Variants in LMTK3 observed in about 807,000 individuals in gnomAD.
The protein encoded by LMTK3 is serine/threonine-protein kinase LMTK3.
LMTK3 carries 27 observed loss-of-function variants against 116.7 expected under a neutral mutation model. The ratio of observed to expected loss-of-function variants is 0.23; its 90% CI spans 0.17 to 0.32. The LOEUF is 0.32. Ranked by LOEUF, LMTK3 falls within the 10% of genes least tolerant of loss-of-function variation. The pLI, the probability that LMTK3 is intolerant of heterozygous loss-of-function variation, is 1.00. For missense variants in LMTK3, 1,764 were observed against 2,068.5 expected, an observed-to-expected ratio of 0.85 and a Z score of 2.86; for synonymous variants, 965 against 971.0, an observed-to-expected ratio of 0.99 and a Z score of 0.11.
rs190876289 is a variant in LMTK3, at chr19:48,510,419, G to A, written c.210+40C>T. 4.7e-3 allele frequency: 7,374 copies of A among 1,573,662 alleles called. 19 individuals carry two copies. The highest frequency in any genetic ancestry group is 5.9e-3 in the Non-Finnish European group (6,843 of 1,160,488). On this transcript the variant is annotated intron_variant, in intron 2 of 14. Transcript: ENST00000600059. ...TGTGTAGGGGGTAAAGGCCTTGCTG[G>A]AGTCTTCCTCCCCAAGTTGAATCCC...
intron 11 of LMTK3, among the ~76,000 whole-genome samples, chr19:48,495,665 A>C (rs1972311331): frequency 6.6e-6 from 1 of 152,164 alleles, no homozygotes; most frequent in African/African-American, 2.4e-5. Context: ...ACCCTTGCCC[A>C]CTGAGCCACA....
In LMTK3 at chr19:48,498,140, C is replaced by A; in HGVS notation, c.2929G>T (p.Gly977Trp). The change falls in exon 11 of 15, where the codon GGG becomes TGG. Residue 977 changes from glycine to tryptophan, a missense_variant. By Grantham distance (184) the Gly-to-Trp change is radical. Around this residue, in one of 7 missense-constraint regions of LMTK3, gnomAD observed 1,028 missense variants for 1,050.6 expected, o/e 0.98. Coordinates refer to ENST00000600059, the MANE Select transcript of LMTK3 (RefSeq NM_001388485.1). ...CCGGCCTCTGGGGACCTCAGCTCCC[C>A]ATTCTCCAGCGCTTTCTCCTCCCTC... Reference protein sequence around the residue: ...PRREEKALENGELRSPEAGEK... With the variant: ...PRREEKALENWELRSPEAGEK... The A allele has an allele frequency of 1.2e-6, 2 of 1,613,742 alleles. No individual in the cohort carries two copies. The highest frequency in any genetic ancestry group is 1.1e-5 in the South Asian group (1 of 91,076).
At chr19:48,505,291 T>C (rs1414544077) in intron 5 of LMTK3, among the ~76,000 whole-genome samples, 2 of 151,794 alleles carry the variant, frequency 1.3e-5, no homozygotes, top group African/African-American at 4.8e-5. Context: ...TTTTTATATT[T>C]TTATTAGAGA....
At chr19:48,493,583 T>A in intron 12 of LMTK3, 111 bp downstream of exon 12, 8 of 797,908 alleles carry the variant, frequency 1.0e-5, no homozygotes, top group Non-Finnish European at 1.1e-5. Flanking sequence ...TCCGCCTCCC[T>A]CCAGGCCCCG....
chr19:48,504,673 G>A (rs530141837), intron 5 of LMTK3, among the ~76,000 whole-genome samples: 1 of 151,782 alleles, frequency 6.6e-6, no homozygotes, highest in Non-Finnish European at 1.5e-5. Flanking sequence ...CCTCAACTCC[G>A]AGTAGTTGGG....
Position 48,502,895 on chromosome 19 carries a change from C to G in LMTK3, c.645+14G>C, listed in dbSNP as rs911905788. On this transcript the variant is annotated intron_variant, in intron 6 of 14. Transcript: ENST00000600059. ...TGCCCCCTCTGCCCTTCCCCAACCCCCCAAGACCCTCACCAGTTGACAGAA... is the reference window on the plus strand; with the variant it reads ...TGCCCCCTCTGCCCTTCCCCAACCCGCCAAGACCCTCACCAGTTGACAGAA... 1.2e-5 allele frequency: 19 copies of G among 1,603,696 alleles called. No homozygotes were observed. Among genetic ancestry groups the G allele is most frequent in the Non-Finnish European group, 1.4e-5 (17 of 1,172,690 alleles).
chr19:48,510,730 G>T lies in LMTK3; in HGVS notation c.77-138C>A, dbSNP rs1972644012. ...CAGGGTCCCTTGGCAGAGGTGCAGAGTGGCCCAAGGCATTGTGGGAGTTGT... is the reference window on the plus strand; with the variant it reads ...CAGGGTCCCTTGGCAGAGGTGCAGATTGGCCCAAGGCATTGTGGGAGTTGT... On this transcript the variant is annotated intron_variant, in intron 1 of 14. Coordinates refer to ENST00000600059, the MANE Select transcript of LMTK3 (RefSeq NM_001388485.1). The T allele has an allele frequency of 5.0e-6, 5 of 1,008,478 alleles. No homozygotes were observed. The East Asian group carries it at 8.6e-5, about 17-fold the overall frequency. The allele number at this position is 1,008,478 out of a possible 1,614,324, so 62.5% of individuals were successfully genotyped here.
chr19:48,496,848 GAAAT>G (rs1972336728), intron 11 of LMTK3, among the ~76,000 whole-genome samples: 1 of 152,244 alleles, frequency 6.6e-6, no homozygotes, highest in African/African-American at 2.4e-5. Context: ...AAAAACAAAA[GAAAT>G]AAAAACCAGA....
At chr19:48,508,309 G>A (rs1972602743) in intron 5 of LMTK3, among the ~76,000 whole-genome samples, 1 of 152,010 alleles carries the variant, frequency 6.6e-6, no homozygotes, top group Non-Finnish European at 1.5e-5. Flanking sequence ...GGGTCTCTGC[G>A]AACACACCCT....
chr19:48,502,344 T>C, intron 7 of LMTK3, 89 bp downstream of exon 7: 1 of 1,444,956 alleles, frequency 6.9e-7, no homozygotes, highest in Non-Finnish European at 9.4e-7. Flanking sequence ...CAGTCATGGG[T>C]CCGCCCCCCC....
upstream of LMTK3, chr19:48,513,108 C>T (rs182560239): frequency 8.9e-6 from 14 of 1,573,108 alleles, no homozygotes; most frequent in East Asian, 1.6e-4. This position sits in a 1 kb window ranked among gnomAD's most constrained non-coding sequence, Gnocchi z 5.6. Context: ...GACACAGACA[C>T]GCGCACAGAC....
In LMTK3 at chr19:48,510,480, T is replaced by C; in HGVS notation, c.189A>G (p.Lys63=). The change falls in exon 2 of 15, where the codon AAA becomes AAG. Residue 63 remains lysine, a synonymous_variant. Transcript: ENST00000600059. ...TCACCTTGAAGCCGACATCGCCCCG[T>C]TTGCAGCACAGACAGGTGAGGAGGA... ...IFLLLTCLCC[K]RGDVGFKEFE... 6.3e-7 allele frequency: 1 copy of C among 1,597,332 alleles called. No homozygotes were observed. Among genetic ancestry groups the C allele is most frequent in the South Asian group, 1.1e-5 (1 of 87,930 alleles).
At position 48,493,779 on chromosome 19, in the gene LMTK3, GC is replaced by G; in HGVS notation, c.4006del (p.Ala1336ProfsTer22). 1 of 1,540,170 alleles carries G rather than the reference GC, an allele frequency of 6.5e-7. No homozygotes were observed. Among genetic ancestry groups the G allele is most frequent in the Non-Finnish European group, 8.7e-7 (1 of 1,144,064 alleles). On this transcript the variant is annotated frameshift_variant, in exon 12 of 15. Coordinates refer to ENST00000600059, the MANE Select transcript of LMTK3 (RefSeq NM_001388485.1). LOFTEE classifies it high-confidence loss of function. ...LRGLLKSPRG[A>X]DEPEDSELER... ...CAGCTCGCTGTCCTCTGGCTCGTCG[GC>G]CCCGCGCGGAGACTTGAGCAGCCCC...
intron 5 of LMTK3, 40 bp from the exon 6 acceptor site, chr19:48,503,036 C>T (rs764385258): frequency 9.4e-6 from 12 of 1,282,826 alleles, no homozygotes; most frequent in Non-Finnish European, 1.2e-5. Context: ...AAGGCAGCCC[C>T]TTCCTCTTCA....
intron 5 of LMTK3, among the ~76,000 whole-genome samples, chr19:48,503,324 A>T (rs1004382122): frequency 2.0e-5 from 3 of 152,144 alleles, no homozygotes; most frequent in Non-Finnish European, 4.4e-5. Context: ...CTGGGATTAC[A>T]GGCGTGAACC....
chr19:48,491,338 C>A lies in LMTK3; in HGVS notation c.4228+66G>T. 1 of 1,348,646 alleles carries A rather than the reference C, an allele frequency of 7.4e-7. No individual in the cohort carries two copies. The highest frequency in any genetic ancestry group is 1.8e-5 in the South Asian group (1 of 56,064). The allele number at this position is 1,348,646 out of a possible 1,614,324, so 83.5% of individuals were successfully genotyped here. A position where few individuals can be genotyped will look rare whatever the true frequency, so the allele number is the denominator to read the frequency against. On this transcript the variant is annotated intron_variant, in intron 13 of 14. Coordinates refer to ENST00000600059, the MANE Select transcript of LMTK3 (RefSeq NM_001388485.1). The surrounding 1 kb of genome is among the most constrained non-coding windows in gnomAD (Gnocchi z 5.1). ...CCCTCCCGACCAAGCCCCTCCCACC[C>A]CATAGACCCCGCCCCGTCCGCCCCA... is the stretch of plus-strand genomic sequence containing the variant.
chr19:48,499,074 AC>A lies in LMTK3; in HGVS notation c.1994del (p.Gly665ValfsTer25). On this transcript the variant is annotated frameshift_variant, in exon 11 of 15. Transcript: ENST00000600059. LOFTEE classifies it high-confidence loss of function. ...SSLGGGPSRRGPLPCPLCSRE... is the reference protein window; with the variant it reads ...SSLGGGPSRRXPLPCPLCSRE... ...GGCTGCACAGGGGACAGGGTAGGGG[AC>A]CCCGGCGGCTTGGGCCACCTCCAAG... 1 of 1,542,764 alleles carries A rather than the reference AC, an allele frequency of 6.5e-7. No individual in the cohort carries two copies. Among genetic ancestry groups the A allele is most frequent in the Non-Finnish European group, 8.7e-7 (1 of 1,149,416 alleles).
In LMTK3 at chr19:48,504,334, C is replaced by T. The variant is rs370539162; in HGVS notation, c.558-1338G>A. Among the ~76,000 whole-genome samples the T allele has an allele frequency of 2.1e-4, 32 of 152,254 alleles. No homozygotes were observed. In the East Asian group the frequency reaches 2.5e-3, roughly 12 times the overall value. On this transcript the variant is annotated intron_variant, in intron 5 of 14. Transcript: ENST00000600059. ...TCACGCTGTGGGAAAGAGTCAGACT[C>T]GGGGGTTTGAACCCTGACTCCCACT...
In LMTK3 at chr19:48,491,295, C is replaced by G; in HGVS notation, c.4229-50G>C. 1 of 1,352,430 alleles carries G rather than the reference C, an allele frequency of 7.4e-7. No individual in the cohort carries two copies. Among genetic ancestry groups the G allele is most frequent in the South Asian group, 1.8e-5 (1 of 55,232 alleles). 83.8% of individuals were successfully genotyped at this position (1,352,430 alleles called of 1,614,324 possible). On this transcript the variant is annotated intron_variant, in intron 13 of 14. Coordinates refer to ENST00000600059, the MANE Select transcript of LMTK3 (RefSeq NM_001388485.1). The surrounding 1 kb of genome is among the most constrained non-coding windows in gnomAD (Gnocchi z 5.1). ...TCAGGCTGCAGACACCTGCGGCACTCCCGCCCTCTGGTCCCGCCCCTCCCG... is the reference window on the plus strand; with the variant it reads ...TCAGGCTGCAGACACCTGCGGCACTGCCGCCCTCTGGTCCCGCCCCTCCCG...
Sources: allele counts gnomAD v4.1 joint callset (sites outside exome capture counted in the v4.1 genomes callset), GRCh38; gene constraint gnomAD v4.1.1; regional missense constraint gnomAD v4.1.1; non-coding constraint Gnocchi (gnomAD v3.1); transcripts MANE v1.5; gene names NCBI Gene and HGNC (gene_info 2026-07-23, HGNC 2026-07-21).